PRKAG2: variants seen among roughly 807,000 people sequenced by gnomAD.
The protein encoded by PRKAG2 is protein kinase AMP-activated non-catalytic subunit gamma 2.
A neutral mutation model predicts 69.6 loss-of-function variants in PRKAG2; 26 were observed. The observed-to-expected ratio is 0.37, with a 90% CI of 0.27 to 0.52. The LOEUF (loss-of-function observed/expected upper bound fraction) is 0.52. Among genes scored for constraint, PRKAG2 ranks in the 20% least tolerant of loss-of-function variants. PRKAG2 has a pLI of 0.90. For missense variants in PRKAG2, 557 were observed against 740.0 expected (o/e 0.75, Z 2.87); for synonymous variants, 293 against 285.0 (o/e 1.03, Z -0.28).
intron 3 of PRKAG2, among the ~76,000 whole-genome samples, chr7:151,720,331 C>G (rs1796847817): frequency 6.6e-6 from 1 of 151,932 alleles, no homozygotes; most frequent in Admixed American, 6.5e-5. Context: ...CTTCCAGCCC[C>G]AAAAGCACCC....
At chr7:151,704,658 G>A (rs1838296859) in intron 3 of PRKAG2, among the ~76,000 whole-genome samples, 1 of 152,200 alleles carries the variant, frequency 6.6e-6, no homozygotes, top group African/African-American at 2.4e-5. Flanking sequence ...AGACATTATA[G>A]AGAGATGAGG....
Position 151,638,808 on chromosome 7 carries a change from C to T in PRKAG2, c.685-6670G>A, listed in dbSNP as rs114703060. Among the ~76,000 whole-genome samples, 457 of 152,250 alleles carry T rather than the reference C, an allele frequency of 3.0e-3. 2 individuals are homozygous for T. Among genetic ancestry groups the T allele is most frequent in the African/African-American group, 0.01 (430 of 41,528 alleles). ...AGAGGTCGGATATGAGTTTGCTCTGCCTCTTAAAAGAAGTCTTAAATAGCT... is the reference window on the plus strand; with the variant it reads ...AGAGGTCGGATATGAGTTTGCTCTGTCTCTTAAAAGAAGTCTTAAATAGCT... On this transcript the variant is annotated intron_variant, in intron 4 of 15. Coordinates refer to ENST00000287878, the MANE Select transcript of PRKAG2 (RefSeq NM_016203.4). This position sits in a 1 kb window ranked among gnomAD's most constrained non-coding sequence, Gnocchi z 4.3.
intron 3 of PRKAG2, among the ~76,000 whole-genome samples, chr7:151,769,744 G>A (rs934461957): frequency 2.6e-5 from 4 of 152,218 alleles, no homozygotes; most frequent in Non-Finnish European, 4.4e-5. Context: ...CGCATCTGGG[G>A]AGGTGTGGCG....
chr7:151,727,246 G>A (rs976412489), intron 3 of PRKAG2, among the ~76,000 whole-genome samples: 1 of 152,128 alleles, frequency 6.6e-6, no homozygotes, highest in South Asian at 2.1e-4. Flanking sequence ...AAACAAAACC[G>A]ATACTCAATG....
chr7:151,607,217 A>G (rs967385573), intron 5 of PRKAG2, among the ~76,000 whole-genome samples: 2 of 152,246 alleles, frequency 1.3e-5, no homozygotes, highest in Non-Finnish European at 2.9e-5. Flanking sequence ...TAAACACTAA[A>G]TTGAAATATT....
chr7:151,820,787 G>A (rs1483051391), intron 1 of PRKAG2, among the ~76,000 whole-genome samples: 1 of 152,232 alleles, frequency 6.6e-6, no homozygotes, highest in Non-Finnish European at 1.5e-5. Context: ...TTGGCACTTG[G>A]GAAGCCCCAT....
At chr7:151,700,939 G>A (rs1488200926) in intron 3 of PRKAG2, among the ~76,000 whole-genome samples, 1 of 152,234 alleles carries the variant, frequency 6.6e-6, no homozygotes, top group African/African-American at 2.4e-5. Context: ...CACACAGGAT[G>A]TCCCAGGCAT....
intron 3 of PRKAG2, among the ~76,000 whole-genome samples, chr7:151,688,817 C>T (rs1835172540): frequency 1.3e-5 from 2 of 152,170 alleles, no homozygotes; most frequent in South Asian, 4.1e-4. Context: ...TTCTCTGTCT[C>T]TCAAATCACT....
At chr7:151,676,879 G>C (rs886968690) in intron 3 of PRKAG2, among the ~76,000 whole-genome samples, 1 of 152,210 alleles carries the variant, frequency 6.6e-6, no homozygotes, top group Non-Finnish European at 1.5e-5. Context: ...CAGAGGGAAG[G>C]CCTCGTGCTG....
At chr7:151,711,900 A>G (rs1795378566) in intron 3 of PRKAG2, among the ~76,000 whole-genome samples, 1 of 152,190 alleles carries the variant, frequency 6.6e-6, no homozygotes, top group South Asian at 2.1e-4. Context: ...AACTCTAGAC[A>G]TGGGGACACA....
chr7:151,741,634 A>G (rs1469637942), intron 3 of PRKAG2, among the ~76,000 whole-genome samples: 1 of 151,138 alleles, frequency 6.6e-6, no homozygotes, highest in Non-Finnish European at 1.5e-5. Context: ...AGATCATGCC[A>G]TTGCACTCCA....
chr7:151,683,286 G>T (rs1189943423), intron 3 of PRKAG2, among the ~76,000 whole-genome samples: 1 of 152,218 alleles, frequency 6.6e-6, no homozygotes, highest in African/African-American at 2.4e-5. Flanking sequence ...AGGGAACTGA[G>T]CCCTGCTGGA....
rs551316509 is a variant in PRKAG2 at position 151,777,580 on chromosome 7, C to T, written c.466+3572G>A. Reference sequence around the variant, plus strand: ...GCATACCCCGGCTTTCCTTCGCCTTCCTCCATGAGTGGAAGCAGCCTGAAG... The same window carrying T: ...GCATACCCCGGCTTTCCTTCGCCTTTCTCCATGAGTGGAAGCAGCCTGAAG... On this transcript the variant is annotated intron_variant, in intron 3 of 15. Transcript: ENST00000287878. This position sits in a 1 kb window ranked among gnomAD's most constrained non-coding sequence, Gnocchi z 4.3. Among the ~76,000 whole-genome samples, 2 of 152,300 alleles carry T rather than the reference C, an allele frequency of 1.3e-5. No homozygotes were observed. Among genetic ancestry groups the T allele is most frequent in the East Asian group, 1.9e-4 (1 of 5,174 alleles).
At chr7:151,769,283 C>A (rs1390869794) in intron 3 of PRKAG2, among the ~76,000 whole-genome samples, 1 of 152,186 alleles carries the variant, frequency 6.6e-6, no homozygotes, top group Non-Finnish European at 1.5e-5. Context: ...AGACAGTGCC[C>A]CCACTAATTC....
Position 151,567,394 on chromosome 7 carries a change from G to A in PRKAG2, c.1233+1322C>T, listed in dbSNP as rs918160376. Among the ~76,000 whole-genome samples the A allele has an allele frequency of 3.3e-5, 5 of 152,182 alleles. No individual in the cohort carries two copies. The highest frequency in any genetic ancestry group is 2.0e-4 in the Admixed American group (3 of 15,282). Reference sequence around the variant, plus strand: ...AGGGTAGCAGCGAGGATGAGATTATGTCAAGTGCTTAGAACAGTGCCGGAC... The same window carrying A: ...AGGGTAGCAGCGAGGATGAGATTATATCAAGTGCTTAGAACAGTGCCGGAC... On this transcript the variant is annotated intron_variant, in intron 11 of 15. Coordinates refer to ENST00000287878, the MANE Select transcript of PRKAG2 (RefSeq NM_016203.4). The surrounding 1 kb of genome is among the most constrained non-coding windows in gnomAD (Gnocchi z 4.2).
chr7:151,558,636 T>C (rs1008146382), intron 15 of PRKAG2: 1 of 973,206 alleles, frequency 1.0e-6, no homozygotes, highest in Non-Finnish European at 1.2e-6. Context: ...GTAATCCAGT[T>C]ATTAGTAACA....
In PRKAG2 at chr7:151,758,454, A is replaced by G. The variant is rs533557677; in HGVS notation, c.466+22698T>C. Among the ~76,000 whole-genome samples the G allele has an allele frequency of 5.9e-5, 9 of 152,366 alleles. No homozygotes were observed. The South Asian group carries it at 1.9e-3, about 32-fold the overall frequency. Reference sequence around the variant, plus strand: ...CTGAACTATGTCACCTTTAAGTTCTATAATGTCTATTTTAAATATTTTTGC... The same window carrying G: ...CTGAACTATGTCACCTTTAAGTTCTGTAATGTCTATTTTAAATATTTTTGC... On this transcript the variant is annotated intron_variant, in intron 3 of 15. Coordinates refer to ENST00000287878, the MANE Select transcript of PRKAG2 (RefSeq NM_016203.4).
Position 151,814,976 on chromosome 7 carries a change from G to A in PRKAG2, c.115-28435C>T, listed in dbSNP as rs578117197. On this transcript the variant is annotated intron_variant, in intron 1 of 15. Coordinates refer to ENST00000287878, the MANE Select transcript of PRKAG2 (RefSeq NM_016203.4). The surrounding 1 kb of genome is among the most constrained non-coding windows in gnomAD (Gnocchi z 4.8). ...AGGAGCAGAGGCCGATGATGCAGCA[G>A]TGGACAGCTCTGGGCTCCAGGTCCT... The A allele has an allele frequency of 1.6e-5, 13 of 796,850 alleles. No homozygotes were observed. Among genetic ancestry groups the A allele is most frequent in the African/African-American group, 1.2e-4 (7 of 56,058 alleles). 49.4% of individuals were successfully genotyped at this position (796,850 alleles called of 1,614,324 possible).
At chr7:151,612,088 G>C (rs1271986828) in intron 5 of PRKAG2, among the ~76,000 whole-genome samples, 1 of 152,184 alleles carries the variant, frequency 6.6e-6, no homozygotes. Context: ...GCTCCCTTTT[G>C]TGGGAGGACA....
Sources: allele counts gnomAD v4.1 joint callset (sites outside exome capture counted in the v4.1 genomes callset), GRCh38; gene constraint gnomAD v4.1.1; non-coding constraint Gnocchi (gnomAD v3.1); transcripts MANE v1.5; gene names NCBI Gene and HGNC (gene_info 2026-07-23, HGNC 2026-07-21).